The following FAM227A variants were observed in gnomAD, a reference collection of about 807,000 sequenced individuals.
The protein encoded by FAM227A is protein FAM227A.
In FAM227A, 80 loss-of-function variants were observed where a neutral mutation model predicts 74.7. That is an observed-to-expected ratio of 1.07 (90% CI 0.89 to 1.29). FAM227A has a LOEUF of 1.29. Among genes scored for constraint, FAM227A ranks in the 50% most tolerant of loss-of-function variants. The pLI is 0.00. For synonymous variants in FAM227A, 237 were observed against 241.8 expected (o/e 0.98, Z 0.19); for missense variants, 654 against 683.4 (o/e 0.96, Z 0.48).
At position 38,578,647 on chromosome 22, in the gene FAM227A, G is replaced by A. The variant is rs1451924765; in HGVS notation, c.*7478C>T. Reference sequence around the variant, plus strand: ...AATCACCACACAAGGCAGGATGAGAGGGATTAGACATGCAGCTGGGAACCA... The same window carrying A: ...AATCACCACACAAGGCAGGATGAGAAGGATTAGACATGCAGCTGGGAACCA... On this transcript the variant is annotated 3_prime_UTR_variant, in exon 17 of 17. Transcript: ENST00000535113. The A allele has an allele frequency of 6.6e-6, 1 of 152,244 alleles. No individual in the cohort carries two copies. Among genetic ancestry groups the A allele is most frequent in the African/African-American group, 2.4e-5 (1 of 41,430 alleles). The allele number at this position is 152,244 out of a possible 1,614,324, so 9.4% of individuals were successfully genotyped here.
intron 16 of FAM227A, among the ~76,000 whole-genome samples, chr22:38,589,503 CAAGCAA>C (rs1467240172): frequency 6.6e-6 from 1 of 152,048 alleles, no homozygotes; most frequent in Non-Finnish European, 1.5e-5. Flanking sequence ...AGAAATAATA[CAAGCAA>C]AATTCTCAGA....
chr22:38,596,873 C>T (rs567551674), intron 15 of FAM227A, among the ~76,000 whole-genome samples: 71 of 151,880 alleles, frequency 4.7e-4, no homozygotes, highest in African/African-American at 1.6e-3. Flanking sequence ...TTTAGTGATA[C>T]GGATATATGG....
chr22:38,582,519 G>T lies in FAM227A; in HGVS notation c.*3606C>A. 1 of 1,176,084 alleles carries T rather than the reference G, an allele frequency of 8.5e-7. No individual in the cohort carries two copies. Among genetic ancestry groups the T allele is most frequent in the Non-Finnish European group, 1.2e-6 (1 of 839,484 alleles). The allele number at this position is 1,176,084 out of a possible 1,614,324, so 72.9% of individuals were successfully genotyped here. ...GCTCTACCCCGCTTCCCTTATAAAG[G>T]GCAAATAATTCTTCCCCATAATTTT... On this transcript the variant is annotated 3_prime_UTR_variant, in exon 17 of 17. Coordinates refer to ENST00000535113, the MANE Select transcript of FAM227A (RefSeq NM_001013647.2).
At chr22:38,639,932 G>A (rs1034210902) in intron 3 of FAM227A, among the ~76,000 whole-genome samples, 3 of 152,060 alleles carry the variant, frequency 2.0e-5, no homozygotes, top group African/African-American at 7.2e-5. Context: ...GTCTCACACT[G>A]CCCCTTCTTC....
At chr22:38,635,810 G>A (rs989378056) in intron 6 of FAM227A, among the ~76,000 whole-genome samples, 84 of 152,060 alleles carry the variant, frequency 5.5e-4, no homozygotes, top group African/African-American at 1.9e-3. Context: ...GAATAGCCTG[G>A]GCAACCTAGC....
chr22:38,644,612 T>G (rs5757199), intron 3 of FAM227A, among the ~76,000 whole-genome samples: 19,975 of 113,122 alleles, frequency 0.18, 1,310 homozygotes, highest in East Asian at 0.22. Flanking sequence ...AAGAATCCTA[T>G]TGTAAACTCT....
chr22:38,637,093 C>T (rs1404022943), intron 5 of FAM227A, among the ~76,000 whole-genome samples: 4 of 152,134 alleles, frequency 2.6e-5, no homozygotes, highest in Non-Finnish European at 5.9e-5. Flanking sequence ...GAAATGTACA[C>T]GAACACAAAT....
chr22:38,627,631 G>C (rs1287448649), intron 8 of FAM227A, among the ~76,000 whole-genome samples: 1 of 151,862 alleles, frequency 6.6e-6, no homozygotes, highest in African/African-American at 2.4e-5. Context: ...TTGAGGCAGA[G>C]TCTCACTCTG....
Position 38,629,932 on chromosome 22 carries a change from A to C in FAM227A, c.520-997T>G, listed in dbSNP as rs6001177. Reference sequence around the variant, plus strand: ...GAAGCGTGCCTCTTCTTTACCATCCATCACTCACACACAGGTGCCTCTCCT... The same window carrying C: ...GAAGCGTGCCTCTTCTTTACCATCCCTCACTCACACACAGGTGCCTCTCCT... On this transcript the variant is annotated intron_variant, in intron 6 of 16. Coordinates refer to ENST00000535113, the MANE Select transcript of FAM227A (RefSeq NM_001013647.2). Among the ~76,000 whole-genome samples the C allele has an allele frequency of 6.1e-3, 787 of 129,702 alleles. 53 individuals are homozygous for C. The highest frequency in any genetic ancestry group is 0.025 in the African/African-American group (747 of 30,394). The allele number at this position is 129,702 out of a possible 152,430, so 85.1% of individuals were successfully genotyped here.
intron 6 of FAM227A, among the ~76,000 whole-genome samples, chr22:38,629,276 C>G (rs929732060): frequency 9.2e-5 from 14 of 152,192 alleles, no homozygotes; most frequent in African/African-American, 3.4e-4. Flanking sequence ...AGTTAATGGG[C>G]AAACATAAAC....
intron 5 of FAM227A, 63 bp from the exon 6 acceptor site, chr22:38,636,660 T>C: frequency 7.1e-7 from 1 of 1,410,174 alleles, no homozygotes; most frequent in South Asian, 1.4e-5. Flanking sequence ...AACAATAGGC[T>C]AGCTTCCCCT....
chr22:38,639,388 G>C (rs1268127352), intron 4 of FAM227A, among the ~76,000 whole-genome samples: 1 of 147,002 alleles, frequency 6.8e-6, no homozygotes, highest in African/African-American at 2.6e-5. Flanking sequence ...CAGCCTGGGA[G>C]ACAGAGCGAG....
At chr22:38,629,118 A>G (rs996217135) in intron 6 of FAM227A, 183 bp from the exon 7 acceptor site, 72 of 500,184 alleles carry the variant, frequency 1.4e-4, no homozygotes, top group African/African-American at 1.4e-3. Context: ...TCATTATCTC[A>G]TAGATGAGGA....
Position 38,581,085 on chromosome 22 carries a change from C to T in FAM227A, c.*5040G>A, listed in dbSNP as rs1242714753. 6.6e-6 allele frequency: 1 copy of T among 152,098 alleles called. No individual in the cohort carries two copies. The highest frequency in any genetic ancestry group is 2.4e-5 in the African/African-American group (1 of 41,406). 9.4% of individuals were successfully genotyped at this position (152,098 alleles called of 1,614,324 possible). A position where few individuals can be genotyped will look rare whatever the true frequency, so the allele number is the denominator to read the frequency against. The stretch of plus-strand genomic sequence containing the variant: ...TGAGCCACCGCGTCCAGACACCAAT[C>T]CGTTTTTTAAAAGTCACAATATGAA... On this transcript the variant is annotated 3_prime_UTR_variant, in exon 17 of 17. Transcript: ENST00000535113.
At chr22:38,597,795 G>A (rs1232259296) in intron 14 of FAM227A, among the ~76,000 whole-genome samples, 1 of 152,148 alleles carries the variant, frequency 6.6e-6, no homozygotes, top group Non-Finnish European at 1.5e-5. Context: ...TGTAATCCCA[G>A]CACTTTGGGA....
rs562385269 is a variant in FAM227A at position 38,615,270 on chromosome 22, G to A, written c.1038+4942C>T. Reference sequence around the variant, plus strand: ...ACTCCTGACCTCAAGTGATTCGCCTGCCTGGGCCTCCCAAAGTGCTGAAGA... The same window carrying A: ...ACTCCTGACCTCAAGTGATTCGCCTACCTGGGCCTCCCAAAGTGCTGAAGA... On this transcript the variant is annotated intron_variant, in intron 11 of 16. Coordinates refer to ENST00000535113, the MANE Select transcript of FAM227A (RefSeq NM_001013647.2). Among the ~76,000 whole-genome samples the A allele has an allele frequency of 2.0e-5, 3 of 152,310 alleles. No individual in the cohort carries two copies. In the South Asian group the frequency reaches 6.2e-4, roughly 32 times the overall value.
At chr22:38,602,801 C>T (rs576274935) in intron 13 of FAM227A, among the ~76,000 whole-genome samples, 86 of 152,254 alleles carry the variant, frequency 5.6e-4, no homozygotes, top group African/African-American at 2.0e-3. Context: ...CCTAACAGCC[C>T]CTGACTCTGG....
intron 2 of FAM227A, 137 bp downstream of exon 2, chr22:38,649,890 A>G (rs943521071): frequency 5.0e-6 from 4 of 804,282 alleles, no homozygotes; most frequent in Non-Finnish European, 5.6e-6. Context: ...GAAAGAAAAG[A>G]AAAGAAAAAA....
intron 11 of FAM227A, among the ~76,000 whole-genome samples, chr22:38,613,536 C>T (rs2091514177): frequency 6.8e-6 from 1 of 148,066 alleles, no homozygotes; most frequent in Admixed American, 7.1e-5. Context: ...AGAGACAAAG[C>T]TCAGGATCCT....
Sources: gnomAD v4.1 joint callset for allele counts (sites outside exome capture counted in the v4.1 genomes callset) on GRCh38, gnomAD v4.1.1 for gene constraint, MANE v1.5 for transcripts, NCBI Gene and HGNC (gene_info 2026-07-23, HGNC 2026-07-21) for gene names.